ARHGAP21: variants seen among roughly 807,000 people sequenced by gnomAD.
The protein encoded by ARHGAP21 is Rho GTPase activating protein 21.
ARHGAP21 carries 38 observed loss-of-function variants against 164.6 expected under a neutral mutation model. The observed-to-expected ratio is 0.23, with a 90% CI of 0.18 to 0.30. The LOEUF is 0.30. Among genes scored for constraint, ARHGAP21 ranks in the 10% least tolerant of loss-of-function variants. The pLI, the probability that ARHGAP21 is intolerant of heterozygous loss-of-function variation, is 1.00. For missense variants in ARHGAP21, 1,822 were observed against 2,370.7 expected, an observed-to-expected ratio of 0.77 and a Z score of 4.81; for synonymous variants, 766 against 857.9, an observed-to-expected ratio of 0.89 and a Z score of 1.87.
intron 17 of ARHGAP21, 190 bp from the exon 18 acceptor site, chr10:24,596,233 C>A: frequency 2.0e-6 from 1 of 502,060 alleles, no homozygotes; most frequent in Non-Finnish European, 3.3e-6. Context: ...AAGAAGAGAA[C>A]AAAGAGACTG....
chr10:24,692,495 A>C, intron 2 of ARHGAP21, among the ~76,000 whole-genome samples: 1 of 152,234 alleles, frequency 6.6e-6, no homozygotes, highest in Non-Finnish European at 1.5e-5. Flanking sequence ...TTTTGGAAAC[A>C]GTAACAGCCA....
rs770060490 is a variant in ARHGAP21 at position 24,585,008 on chromosome 10, A to G, written c.5281T>C (p.Trp1761Arg). 1.2e-6 allele frequency: 2 copies of G among 1,613,828 alleles called. No individual in the cohort carries two copies. Among genetic ancestry groups the G allele is most frequent in the East Asian group, 2.2e-5 (1 of 44,864 alleles). Residue 1761 changes from tryptophan (W) to arginine (R), a missense_variant, in exon 26 of 26, where the codon TGG becomes CGG. Trp to Arg is a moderately radical substitution (Grantham distance 101). Transcript: ENST00000396432. The part of the protein sequence containing the change: ...RGESEKQEPT[W>R]KTKIADRLKL... ...AACCGATCTGCTATTTTCGTTTTCC[A>G]TGTGGGTTCCTGTTTTTCGGATTCG...
intron 4 of ARHGAP21, among the ~76,000 whole-genome samples, chr10:24,644,776 T>TA (rs1156885102): frequency 1.2e-4 from 18 of 152,328 alleles, no homozygotes; most frequent in African/African-American, 3.4e-4. Flanking sequence ...GACCAGCTCT[T>TA]AGAGTCCTGT....
At chr10:24,718,255 GGA>G (rs1413423831) in intron 2 of ARHGAP21, among the ~76,000 whole-genome samples, 2 of 152,192 alleles carry the variant, frequency 1.3e-5, no homozygotes, top group African/African-American at 4.8e-5. Flanking sequence ...ACAGGAAGAG[GGA>G]GAGTCAGCGG....
chr10:24,648,523 T>C (rs575482499), intron 4 of ARHGAP21, among the ~76,000 whole-genome samples: 1 of 152,338 alleles, frequency 6.6e-6, no homozygotes, highest in Admixed American at 6.5e-5. Context: ...CTCACGCCTA[T>C]AATCCCAGCA....
intron 3 of ARHGAP21, 75 bp downstream of exon 3, chr10:24,670,143 G>T: frequency 9.5e-7 from 1 of 1,047,490 alleles, no homozygotes; most frequent in Non-Finnish European, 1.3e-6. Context: ...ATAGGGAAGG[G>T]TAAGAGGAAG....
At chr10:24,656,587 C>T (rs1838988386) in intron 4 of ARHGAP21, among the ~76,000 whole-genome samples, 1 of 96,566 alleles carries the variant, frequency 1.0e-5, no homozygotes, top group African/African-American at 4.5e-5. Flanking sequence ...GCCCTCCGCC[C>T]AGCCAGCCGC....
At chr10:24,621,722 C>T (rs186161219) in intron 8 of ARHGAP21, among the ~76,000 whole-genome samples, 3 of 152,210 alleles carry the variant, frequency 2.0e-5, no homozygotes, top group Non-Finnish European at 4.4e-5. Flanking sequence ...AAATGGCTGC[C>T]AAATAAATCC....
chr10:24,676,142 C>G (rs1186957271), intron 2 of ARHGAP21, among the ~76,000 whole-genome samples: 1 of 152,068 alleles, frequency 6.6e-6, no homozygotes, highest in Admixed American at 6.6e-5. Context: ...AGAGAGACTC[C>G]GTGTCAGGGG....
At chr10:24,616,255 G>C (rs770395321) in intron 9 of ARHGAP21, among the ~76,000 whole-genome samples, 4 of 152,188 alleles carry the variant, frequency 2.6e-5, no homozygotes, top group Non-Finnish European at 5.9e-5. Flanking sequence ...TAAAGTATAT[G>C]ATTTCTCTTT....
intron 2 of ARHGAP21, among the ~76,000 whole-genome samples, chr10:24,672,338 A>G (rs891990755): frequency 4.6e-5 from 7 of 151,890 alleles, no homozygotes; most frequent in Non-Finnish European, 7.4e-5. Context: ...GACTTCTCAC[A>G]CTGATTTTTC....
chr10:24,614,655 C>T (rs1011314950), intron 9 of ARHGAP21, among the ~76,000 whole-genome samples: 2 of 151,370 alleles, frequency 1.3e-5, no homozygotes, highest in Admixed American at 6.6e-5. Flanking sequence ...TGGTGGCACA[C>T]GCCTGTAATC....
chr10:24,708,222 C>T (rs984690033), intron 2 of ARHGAP21, among the ~76,000 whole-genome samples: 3 of 152,096 alleles, frequency 2.0e-5, no homozygotes, highest in African/African-American at 7.2e-5. Flanking sequence ...GTTTGTCGGC[C>T]TCTGTCCGTC....
At chr10:24,689,663 C>T (rs1415354772) in intron 2 of ARHGAP21, among the ~76,000 whole-genome samples, 1 of 152,066 alleles carries the variant, frequency 6.6e-6, no homozygotes, top group African/African-American at 2.4e-5. Context: ...ATCATCTGAG[C>T]CCGGAAGGTT....
intron 13 of ARHGAP21, 51 bp from the exon 14 acceptor site, chr10:24,600,981 G>T (rs1201353736): frequency 6.3e-7 from 1 of 1,575,244 alleles, no homozygotes; most frequent in East Asian, 2.3e-5. Flanking sequence ...CTAAATCTTT[G>T]TGACAGGATA....
At chr10:24,628,952 CTATATATATATATATAT>C (rs1835496880) in intron 7 of ARHGAP21, 1 of 13,764 alleles carries the variant, frequency 7.3e-5, no homozygotes, top group Non-Finnish European at 1.1e-4. Flanking sequence ...CACACACACA[CTATATATATATATATAT>C]ATATATATAT....
chr10:24,684,160 G>A (rs992147560), intron 2 of ARHGAP21, among the ~76,000 whole-genome samples: 7 of 151,986 alleles, frequency 4.6e-5, no homozygotes, highest in East Asian at 1.9e-4. Flanking sequence ...GGTGGTGCAC[G>A]CCTGTAATTC....
At chr10:24,681,746 A>G (rs1186359491) in intron 2 of ARHGAP21, among the ~76,000 whole-genome samples, 1 of 152,100 alleles carries the variant, frequency 6.6e-6, no homozygotes, top group Non-Finnish European at 1.5e-5. Flanking sequence ...ACACCTTTTT[A>G]GGATGTCATT....
At chr10:24,654,952 C>A (rs1283357043) in intron 4 of ARHGAP21, among the ~76,000 whole-genome samples, 1 of 152,196 alleles carries the variant, frequency 6.6e-6, no homozygotes, top group Non-Finnish European at 1.5e-5. Flanking sequence ...ACAGAGGCCT[C>A]AGAAATAACA....
Sources: allele counts gnomAD v4.1 joint callset (sites outside exome capture counted in the v4.1 genomes callset), GRCh38; gene constraint gnomAD v4.1.1; transcripts MANE v1.5; gene names NCBI Gene and HGNC (gene_info 2026-07-23, HGNC 2026-07-21).